Variants in DNAAF19 observed in about 807,000 individuals in gnomAD.
DNAAF19 encodes the protein dynein axonemal assembly factor 19.
chr17:44,901,604 C>T, the DNAAF19 span: 1 of 1,614,168 alleles, frequency 6.2e-7, no homozygotes, highest in Non-Finnish European at 8.5e-7. Context: ...GGAACTGTCA[C>T]ACTATTCAGG....
the DNAAF19 span, chr17:44,902,977 T>C: frequency 8.4e-6 from 12 of 1,431,782 alleles, no homozygotes; most frequent in Non-Finnish European, 1.0e-5. Flanking sequence ...TCCCCACTTC[T>C]CCAGTCCCTC....
chr17:44,905,342 G>T, the DNAAF19 span: 1 of 470,928 alleles, frequency 2.1e-6, no homozygotes, highest in Non-Finnish European at 3.9e-6. Context: ...GAAGGAAAGT[G>T]TGAACTCAGA....
the DNAAF19 span, chr17:44,902,455 C>G: frequency 6.2e-7 from 1 of 1,614,240 alleles, no homozygotes; most frequent in Non-Finnish European, 8.5e-7. Context: ...CTACCAGGCT[C>G]TACTGCAGCT....
At chr17:44,904,959 CTGTGGAGCT>C in the DNAAF19 span, 1 of 1,550,754 alleles carries the variant, frequency 6.4e-7, no homozygotes, top group South Asian at 1.2e-5. Flanking sequence ...ACTCGCTCGG[CTGTGGAGCT>C]CACCCTGATA....
the DNAAF19 span, chr17:44,905,041 A>G: frequency 6.5e-7 from 1 of 1,547,628 alleles, no homozygotes; most frequent in East Asian, 2.4e-5. Context: ...GCTGCTACTT[A>G]TTTCACTGTT....
chr17:44,901,064 T>C, the DNAAF19 span: 21 of 1,601,342 alleles, frequency 1.3e-5, no homozygotes, highest in African/African-American at 2.7e-4. Context: ...CACTCACTGC[T>C]GATGAGAAGT....
chr17:44,903,605 C>T, the DNAAF19 span: 6 of 1,405,000 alleles, frequency 4.3e-6, no homozygotes, highest in Non-Finnish European at 3.7e-6. Flanking sequence ...CTTTCCCCCC[C>T]CACCCTGAGA....
At chr17:44,901,326 G>A in the DNAAF19 span, among the ~76,000 whole-genome samples, 1 of 152,254 alleles carries the variant, frequency 6.6e-6, no homozygotes, top group Admixed American at 6.5e-5. Context: ...ATAATTAAAT[G>A]AGTTCTTGCA....
chr17:44,904,295 G>A, the DNAAF19 span: 1 of 1,548,576 alleles, frequency 6.5e-7, no homozygotes, highest in Non-Finnish European at 8.7e-7. Context: ...CAAGGGCCAG[G>A]AGCCCTTTGC....
chr17:44,902,841 C>T, the DNAAF19 span: 4,618 of 1,504,728 alleles, frequency 3.1e-3, 7 homozygotes, highest in Admixed American at 3.4e-3. Flanking sequence ...CCTCAGAGGT[C>T]CCAGTGGTCA....
At chr17:44,902,881 G>A in the DNAAF19 span, 41 of 1,453,548 alleles carry the variant, frequency 2.8e-5, no homozygotes, top group African/African-American at 3.2e-4. Flanking sequence ...TGTTGTCTTG[G>A]GGGTTCTGCA....
chr17:44,902,833 T>A, the DNAAF19 span: 1 of 1,522,920 alleles, frequency 6.6e-7, no homozygotes, highest in Non-Finnish European at 8.8e-7. Context: ...CAAGCTACCC[T>A]CAGAGGTCCC....
At chr17:44,903,763 T>C in the DNAAF19 span, 1 of 1,477,450 alleles carries the variant, frequency 6.8e-7, no homozygotes, top group South Asian at 1.4e-5. Flanking sequence ...CAGAGCTTTC[T>C]AGGAGCCCTA....
chr17:44,902,207 C>A, the DNAAF19 span: 1 of 928,480 alleles, frequency 1.1e-6, no homozygotes, highest in South Asian at 1.4e-5. Flanking sequence ...CCAGTTTCCT[C>A]ATCTGAAAAT....
chr17:44,904,162 G>T, the DNAAF19 span: 1 of 1,550,346 alleles, frequency 6.5e-7, no homozygotes, highest in Non-Finnish European at 8.7e-7. Flanking sequence ...TCAGCTTGTT[G>T]GTTTTCAGGG....
At chr17:44,904,798 C>T in the DNAAF19 span, 3 of 1,550,544 alleles carry the variant, frequency 1.9e-6, no homozygotes, top group East Asian at 7.3e-5. Flanking sequence ...TGAGGGTGTT[C>T]ATTGACCACG....
At chr17:44,903,869 G>GGGA in the DNAAF19 span, 1 of 1,512,032 alleles carries the variant, frequency 6.6e-7, no homozygotes, top group Non-Finnish European at 8.9e-7. Flanking sequence ...GTGGGCATGG[G>GGGA]GGCTCCAGGC....
chr17:44,902,737 G>C, the DNAAF19 span: 2 of 1,610,734 alleles, frequency 1.2e-6, no homozygotes, highest in Non-Finnish European at 1.7e-6. Flanking sequence ...GGAGGAGCAG[G>C]GTCTGGAGGA....
chr17:44,900,442 G>A, the DNAAF19 span, among the ~76,000 whole-genome samples: 1 of 152,012 alleles, frequency 6.6e-6, no homozygotes, highest in Non-Finnish European at 1.5e-5. Flanking sequence ...TTGGGGATGG[G>A]GTCATTGAGC....
Sources: allele counts gnomAD v4.1 joint callset (sites outside exome capture counted in the v4.1 genomes callset), GRCh38; gene constraint gnomAD v4.1.1; transcripts MANE v1.5; gene names NCBI Gene and HGNC (gene_info 2026-07-23, HGNC 2026-07-21).